CCSER1: variants seen among roughly 807,000 people sequenced by gnomAD.
The protein encoded by CCSER1 is coiled-coil serine rich protein 1, also known as serine-rich coiled-coil domain-containing protein 1.
CCSER1 carries 41 observed loss-of-function variants against 82.0 expected under a neutral mutation model. The ratio of observed to expected loss-of-function variants is 0.50; its 90% CI spans 0.39 to 0.65. CCSER1 has a LOEUF of 0.65. CCSER1 is among the 30% of genes least tolerant of loss of function. CCSER1 has a pLI of 0.00. For synonymous variants in CCSER1, 414 were observed against 383.9 expected (o/e 1.08, Z -0.92); for missense variants, 1,119 against 1,064.2 (o/e 1.05, Z -0.72).
At chr4:90,243,510 G>A (rs951093253) in intron 1 of CCSER1, among the ~76,000 whole-genome samples, 1 of 151,714 alleles carries the variant, frequency 6.6e-6, no homozygotes, top group Non-Finnish European at 1.5e-5. Context: ...GCCTCCCAGA[G>A]TGTTGGGATT....
rs114849933 is a variant in CCSER1, at chr4:90,875,630, A to G, written c.2095-47740A>G. 6.8e-3 allele frequency among the ~76,000 whole-genome samples: 1,029 copies of G among 152,298 alleles called. 7 individuals carry two copies. The highest frequency in any genetic ancestry group is 9.8e-3 in the Non-Finnish European group (667 of 68,018). On this transcript the variant is annotated intron_variant, in intron 8 of 10. Transcript: ENST00000509176. ...TGTCACTATAGTGCGGTTACATACAATATCAATTATTCCCTAAGGTATTAT... is the reference window on the plus strand; with the variant it reads ...TGTCACTATAGTGCGGTTACATACAGTATCAATTATTCCCTAAGGTATTAT...
At chr4:90,361,104 G>C (rs1178618219) in intron 3 of CCSER1, among the ~76,000 whole-genome samples, 5 of 152,170 alleles carry the variant, frequency 3.3e-5, no homozygotes. Flanking sequence ...TGAATCAAAT[G>C]TTGTTTTCCT....
chr4:90,967,759 A>C (rs1231172292), intron 9 of CCSER1, among the ~76,000 whole-genome samples: 3 of 152,050 alleles, frequency 2.0e-5, no homozygotes, highest in African/African-American at 7.3e-5. Context: ...ATAAAATAGA[A>C]GTTTTCAGCC....
Position 90,436,448 on chromosome 4 carries a change from G to A in CCSER1, c.1604-31786G>A, listed in dbSNP as rs73833395. Among the ~76,000 whole-genome samples, 449 of 152,260 alleles carry A rather than the reference G, an allele frequency of 2.9e-3. 2 individuals carry two copies. Among genetic ancestry groups the A allele is most frequent in the Middle Eastern group, 0.014 (4 of 292 alleles). Reference sequence around the variant, plus strand: ...GTGATGTAAATATTGTGAATGCAAGGTGCAAGGCACATTTGAAAATACCGC... The same window carrying A: ...GTGATGTAAATATTGTGAATGCAAGATGCAAGGCACATTTGAAAATACCGC... On this transcript the variant is annotated intron_variant, in intron 4 of 10. Coordinates refer to ENST00000509176, the MANE Select transcript of CCSER1 (RefSeq NM_001145065.2).
intron 10 of CCSER1, among the ~76,000 whole-genome samples, chr4:91,460,241 C>T (rs1018117513): frequency 6.6e-6 from 1 of 151,972 alleles, no homozygotes; most frequent in Non-Finnish European, 1.5e-5. Flanking sequence ...ATTGATAATT[C>T]GTAGGGATGG....
chr4:90,946,936 T>C (rs1732321931), intron 9 of CCSER1, among the ~76,000 whole-genome samples: 1 of 152,178 alleles, frequency 6.6e-6, no homozygotes, highest in African/African-American at 2.4e-5. Flanking sequence ...TCTATTGCTG[T>C]TCAGCAAGCA....
chr4:90,233,923 T>C (rs1190691215), intron 1 of CCSER1, among the ~76,000 whole-genome samples: 2 of 152,190 alleles, frequency 1.3e-5, no homozygotes, highest in Non-Finnish European at 2.9e-5. Context: ...CTTTCTTACA[T>C]ACGTTGTTTC....
Position 91,011,005 on chromosome 4 carries a change from A to G in CCSER1, c.2173-74945A>G, listed in dbSNP as rs1313152178. On this transcript the variant is annotated intron_variant, in intron 9 of 10. Coordinates refer to ENST00000509176, the MANE Select transcript of CCSER1 (RefSeq NM_001145065.2). ...TGTTTCTCATGTTTTTTGTGTCTCC[A>G]TGTTGATGTCTGAATCAGGTCTGGA... Among the ~76,000 whole-genome samples, 8 of 134,090 alleles carry G rather than the reference A, an allele frequency of 6.0e-5. 2 individuals are homozygous for G. The highest frequency in any genetic ancestry group is 1.4e-4 in the Non-Finnish European group (8 of 57,840). The allele number at this position is 134,090 out of a possible 152,430, so 88.0% of individuals were successfully genotyped here.
intron 10 of CCSER1, among the ~76,000 whole-genome samples, chr4:91,326,021 AGT>A (rs1746538013): frequency 6.6e-6 from 1 of 151,690 alleles, no homozygotes; most frequent in African/African-American, 2.4e-5. Flanking sequence ...TGCTTTTCTG[AGT>A]TTTGAATTCT....
At chr4:91,167,922 G>A (rs1732277936) in intron 10 of CCSER1, among the ~76,000 whole-genome samples, 1 of 150,946 alleles carries the variant, frequency 6.6e-6, no homozygotes, top group African/African-American at 2.4e-5. Flanking sequence ...CCCCGTCTGG[G>A]AAGTCGGGAG....
At chr4:91,129,277 TTTCAATGAC>T (rs1395083586) in intron 10 of CCSER1, among the ~76,000 whole-genome samples, 1 of 151,958 alleles carries the variant, frequency 6.6e-6, no homozygotes, top group Non-Finnish European at 1.5e-5. Context: ...AAAATATATG[TTTCAATGAC>T]CGAAATCCTT....
intron 8 of CCSER1, among the ~76,000 whole-genome samples, chr4:90,877,757 A>G (rs983198404): frequency 6.6e-6 from 1 of 152,058 alleles, no homozygotes; most frequent in Non-Finnish European, 1.5e-5. Flanking sequence ...CAAACCCACT[A>G]AGATTTGGAG....
chr4:91,485,902 T>A (rs1255001610), intron 10 of CCSER1, among the ~76,000 whole-genome samples: 1 of 152,096 alleles, frequency 6.6e-6, no homozygotes, highest in Non-Finnish European at 1.5e-5. Flanking sequence ...ATTTTTTGAA[T>A]AGGAATATCT....
intron 9 of CCSER1, among the ~76,000 whole-genome samples, chr4:91,027,321 A>T (rs886948413): frequency 6.6e-6 from 1 of 152,056 alleles, no homozygotes; most frequent in Non-Finnish European, 1.5e-5. Context: ...AGATAATCAC[A>T]TAAGTAATGA....
chr4:91,179,161 CA>C (rs1420046600), intron 10 of CCSER1, among the ~76,000 whole-genome samples: 1 of 152,142 alleles, frequency 6.6e-6, no homozygotes, highest in Middle Eastern at 3.2e-3. Flanking sequence ...GAGTTTCTGC[CA>C]AGAGATACAC....
chr4:91,461,877 A>G (rs1380845094), intron 10 of CCSER1, among the ~76,000 whole-genome samples: 2 of 152,184 alleles, frequency 1.3e-5, no homozygotes, highest in African/African-American at 4.8e-5. Flanking sequence ...CTTCTTTCTG[A>G]CTAAGGACCA....
intron 3 of CCSER1, among the ~76,000 whole-genome samples, chr4:90,364,598 A>G (rs1745945294): frequency 6.6e-6 from 1 of 152,042 alleles, no homozygotes; most frequent in African/African-American, 2.4e-5. Context: ...AAGTAGTTTG[A>G]TATTTAAAAA....
intron 4 of CCSER1, among the ~76,000 whole-genome samples, chr4:90,412,194 C>T (rs375850077): frequency 2.6e-4 from 40 of 151,440 alleles, no homozygotes; most frequent in African/African-American, 9.5e-4. Context: ...AACCATCATT[C>T]TCAGGAAACT....
At chr4:91,026,003 G>C (rs973437607) in intron 9 of CCSER1, among the ~76,000 whole-genome samples, 11 of 152,082 alleles carry the variant, frequency 7.2e-5, no homozygotes, top group Non-Finnish European at 1.3e-4. Flanking sequence ...CAGTTTCAGT[G>C]CACTGTGCTT....
Sources: allele counts gnomAD v4.1 joint callset (sites outside exome capture counted in the v4.1 genomes callset), GRCh38; gene constraint gnomAD v4.1.1; transcripts MANE v1.5; gene names NCBI Gene and HGNC (gene_info 2026-07-23, HGNC 2026-07-21).